MBOAT1: variants seen among roughly 807,000 people sequenced by gnomAD.
MBOAT1 encodes the protein membrane bound glycerophospholipid O-acyltransferase 1.
A neutral mutation model predicts 64.4 loss-of-function variants in MBOAT1; 67 were observed. That is an observed-to-expected ratio of 1.04 (90% CI 0.85 to 1.27). The LOEUF is 1.27. MBOAT1 is among the 50% of genes most tolerant of loss of function. MBOAT1 has a pLI of 0.00. For missense variants in MBOAT1, 563 were observed against 604.6 expected (o/e 0.93, Z 0.72); for synonymous variants, 229 against 218.9 (o/e 1.05, Z -0.41).
chr6:20,152,381 ATTAATT>A lies in MBOAT1; in HGVS notation c.245+237_245+242del, dbSNP rs1224912237. ...AATAAATAAATTAATTAATTAATTAATTAATTAAAAAAAAGAAAAAGTGAACTATAC... is the reference window on the plus strand; with the variant it reads ...AATAAATAAATTAATTAATTAATTAAAAAAAAAAGAAAAAGTGAACTATAC... On this transcript the variant is annotated intron_variant, in intron 2 of 12. Coordinates refer to ENST00000324607, the MANE Select transcript of MBOAT1 (RefSeq NM_001080480.3). Among the ~76,000 whole-genome samples the A allele has an allele frequency of 6.7e-3, 984 of 147,568 alleles. 9 individuals carry two copies. The highest frequency in any genetic ancestry group is 0.023 in the African/African-American group (920 of 40,084).
chr6:20,123,554 A>G (rs1028022663), intron 8 of MBOAT1, among the ~76,000 whole-genome samples: 18 of 152,120 alleles, frequency 1.2e-4, no homozygotes, highest in African/African-American at 4.1e-4. Flanking sequence ...AAGTTATCCC[A>G]CAGGAAAAAA....
At chr6:20,207,425 A>C (rs1347766505) in intron 1 of MBOAT1, among the ~76,000 whole-genome samples, 1 of 152,242 alleles carries the variant, frequency 6.6e-6, no homozygotes, top group African/African-American at 2.4e-5. Context: ...AGGACGGGGC[A>C]GGATCCCAGA....
intron 1 of MBOAT1, among the ~76,000 whole-genome samples, chr6:20,177,609 T>C (rs1274193846): frequency 2.6e-5 from 4 of 151,670 alleles, no homozygotes; most frequent in African/African-American, 7.3e-5. Context: ...CCGTCTCTAC[T>C]AAAAAATACA....
chr6:20,117,279 G>C (rs1015460777), intron 9 of MBOAT1, among the ~76,000 whole-genome samples: 4 of 152,146 alleles, frequency 2.6e-5, no homozygotes, highest in African/African-American at 9.7e-5. Context: ...GCCCGCAGTG[G>C]CCCTCAATTA....
chr6:20,193,424 C>G (rs1241828859), intron 1 of MBOAT1, among the ~76,000 whole-genome samples: 1 of 152,052 alleles, frequency 6.6e-6, no homozygotes, highest in Non-Finnish European at 1.5e-5. Context: ...AATAGTATTT[C>G]CAAGGTCGGA....
At chr6:20,136,117 A>C (rs1317381150) in intron 4 of MBOAT1, among the ~76,000 whole-genome samples, 3 of 152,190 alleles carry the variant, frequency 2.0e-5, no homozygotes, top group Non-Finnish European at 4.4e-5. Flanking sequence ...CAATTATGTC[A>C]GCATGAGAAA....
At chr6:20,182,096 G>T (rs908763994) in intron 1 of MBOAT1, among the ~76,000 whole-genome samples, 3 of 152,184 alleles carry the variant, frequency 2.0e-5, no homozygotes, top group African/African-American at 7.2e-5. Flanking sequence ...GTTGTTAGGA[G>T]AATCTGAGTA....
intron 12 of MBOAT1, 82 bp downstream of exon 12, chr6:20,109,516 A>G (rs1176372790): frequency 2.0e-6 from 3 of 1,522,976 alleles, no homozygotes; most frequent in African/African-American, 1.4e-5. Flanking sequence ...GGACTGCTTC[A>G]TTCAATTTAC....
At chr6:20,117,470 T>C (rs1410815499) in intron 9 of MBOAT1, among the ~76,000 whole-genome samples, 2 of 152,202 alleles carry the variant, frequency 1.3e-5, no homozygotes, top group Non-Finnish European at 2.9e-5. Flanking sequence ...TCCCTATAAA[T>C]TCCACCATGT....
At chr6:20,207,505 A>C (rs1437335783) in intron 1 of MBOAT1, among the ~76,000 whole-genome samples, 1 of 152,210 alleles carries the variant, frequency 6.6e-6, no homozygotes, top group African/African-American at 2.4e-5. Flanking sequence ...TATCATGCCA[A>C]ATCCAGCCCA....
chr6:20,139,082 C>T (rs369647855), intron 4 of MBOAT1, among the ~76,000 whole-genome samples: 1 of 152,124 alleles, frequency 6.6e-6, no homozygotes, highest in Non-Finnish European at 1.5e-5. Flanking sequence ...GGATCTAGGG[C>T]CCACTCTAAT....
At chr6:20,148,920 G>T (rs1334351220) in intron 3 of MBOAT1, among the ~76,000 whole-genome samples, 1 of 151,854 alleles carries the variant, frequency 6.6e-6, no homozygotes, top group Non-Finnish European at 1.5e-5. Context: ...GGCCAACATA[G>T]TGAAACCCCG....
At chr6:20,111,178 G>A (rs946682420) in intron 11 of MBOAT1, among the ~76,000 whole-genome samples, 1 of 151,808 alleles carries the variant, frequency 6.6e-6, no homozygotes, top group African/African-American at 2.4e-5. Flanking sequence ...TGGCACATGT[G>A]ACTAGACCTG....
intron 3 of MBOAT1, among the ~76,000 whole-genome samples, chr6:20,149,865 G>A (rs1349844482): frequency 6.6e-6 from 1 of 152,194 alleles, no homozygotes; most frequent in African/African-American, 2.4e-5. Flanking sequence ...ATGGCTTTCT[G>A]AAGCTGAAAT....
chr6:20,112,958 A>G lies in MBOAT1; in HGVS notation c.1127T>C (p.Leu376Pro). 2 of 1,614,188 alleles carry G rather than the reference A, an allele frequency of 1.2e-6. No homozygotes were observed. Among genetic ancestry groups the G allele is most frequent in the Non-Finnish European group, 1.7e-6 (2 of 1,180,000 alleles). Residue 376 changes from leucine to proline, a missense_variant, in exon 11 of 13, where the codon CTG becomes CCG. By Grantham distance (98) the Leu-to-Pro change is moderately conservative. Transcript: ENST00000324607. ...GTAGACACCATGCCACAAAGCAGAC[A>G]GGATGAAGGTTAGCACCGTGGGGTA... ...PWYPTVLTFI[L>P]SALWHGVYPG...
chr6:20,129,056 G>T (rs76466306), intron 5 of MBOAT1, among the ~76,000 whole-genome samples: 2,264 of 152,134 alleles, frequency 0.015, 66 homozygotes, highest in African/African-American at 0.049. Context: ...GGTGCATCTG[G>T]GAGTTCCTTG....
chr6:20,152,979 C>G (rs1174628009), intron 1 of MBOAT1, among the ~76,000 whole-genome samples: 1 of 152,114 alleles, frequency 6.6e-6, no homozygotes, highest in African/African-American at 2.4e-5. Context: ...ACTACAGGCG[C>G]CCGCCACCAC....
At chr6:20,186,779 A>C (rs572879694) in intron 1 of MBOAT1, among the ~76,000 whole-genome samples, 19 of 152,318 alleles carry the variant, frequency 1.2e-4, no homozygotes, top group Admixed American at 1.2e-3. Flanking sequence ...AAATAAACTA[A>C]CCAGAAATTC....
chr6:20,132,229 C>T (rs559326699), intron 4 of MBOAT1, among the ~76,000 whole-genome samples: 74 of 152,274 alleles, frequency 4.9e-4, no homozygotes, highest in African/African-American at 1.4e-3. Flanking sequence ...CTCATTAAAA[C>T]GTGAGAAGAG....
Sources: allele counts gnomAD v4.1 joint callset (sites outside exome capture counted in the v4.1 genomes callset), GRCh38; gene constraint gnomAD v4.1.1; transcripts MANE v1.5; gene names NCBI Gene and HGNC (gene_info 2026-07-23, HGNC 2026-07-21).